Variants in CDKL3 observed in about 807,000 individuals in gnomAD.
CDKL3 encodes the protein cyclin dependent kinase like 3.
In CDKL3, 65 loss-of-function variants were observed where a neutral mutation model predicts 69.3. The ratio of observed to expected loss-of-function variants is 0.94; its 90% confidence interval spans 0.77 to 1.15. The LOEUF is 1.15. Ranked by LOEUF, CDKL3 falls within the 50% of genes most tolerant of loss-of-function variation. CDKL3 has a pLI of 0.00. For missense variants in CDKL3, 652 were observed against 689.2 expected, an observed-to-expected ratio of 0.95 and a Z score of 0.61; for synonymous variants, 202 against 221.6, an observed-to-expected ratio of 0.91 and a Z score of 0.79.
intron 4 of CDKL3, among the ~76,000 whole-genome samples, chr5:134,342,977 G>C (rs1185790694): frequency 6.6e-6 from 1 of 152,172 alleles, no homozygotes; most frequent in Non-Finnish European, 1.5e-5. Flanking sequence ...GTCCAAGGCA[G>C]GCAGATTGCT....
chr5:134,320,711 T>TA (rs1306888413), intron 5 of CDKL3, among the ~76,000 whole-genome samples: 1 of 151,188 alleles, frequency 6.6e-6, no homozygotes, highest in Non-Finnish European at 1.5e-5. Flanking sequence ...CCGTCTCTGC[T>TA]AAAAATACAA....
At position 134,346,928 on chromosome 5, in the gene CDKL3, C is replaced by T. The variant is rs72798609; in HGVS notation, c.539+3321G>A. Among the ~76,000 whole-genome samples, 1,061 of 152,210 alleles carry T rather than the reference C, an allele frequency of 7.0e-3. 10 individuals carry two copies. The highest frequency in any genetic ancestry group is 0.012 in the Non-Finnish European group (796 of 68,018). ...TGCTTTTGGAGGTCACCTGTTGGAGCCAATTCATCTTTAAAATTGATAAAC... is the reference window on the plus strand; with the variant it reads ...TGCTTTTGGAGGTCACCTGTTGGAGTCAATTCATCTTTAAAATTGATAAAC... On this transcript the variant is annotated intron_variant, in intron 4 of 12. Coordinates refer to ENST00000265334, the MANE Select transcript of CDKL3 (RefSeq NM_001113575.2).
downstream of CDKL3, among the ~76,000 whole-genome samples, chr5:134,296,816 C>CACACACAT (rs1554074934): frequency 4.6e-5 from 7 of 150,822 alleles, no homozygotes; most frequent in Admixed American, 2.0e-4. Flanking sequence ...CACACACACA[C>CACACACAT]GCACGCACAC....
chr5:134,289,927 T>G (rs1031269974), intron 8 of CDKL3, among the ~76,000 whole-genome samples: 2 of 152,212 alleles, frequency 1.3e-5, no homozygotes, highest in Non-Finnish European at 2.9e-5. Context: ...TTCTTCTGTT[T>G]TTTTTCCTCA....
chr5:134,286,019 G>A (rs1034044493), downstream of CDKL3, among the ~76,000 whole-genome samples: 1 of 152,210 alleles, frequency 6.6e-6, no homozygotes, highest in Admixed American at 6.5e-5. Context: ...TTACTCAGGA[G>A]GCTGAGGCAG....
intron 12 of CDKL3, 143 bp from the exon 13 acceptor site, chr5:134,298,853 G>T: frequency 9.0e-7 from 1 of 1,115,662 alleles, no homozygotes; most frequent in Non-Finnish European, 1.3e-6. Flanking sequence ...TTGCTTCAAT[G>T]CCTTGCTCAA....
chr5:134,299,876 A>G, intron 12 of CDKL3: 2 of 612,068 alleles, frequency 3.3e-6, no homozygotes, highest in South Asian at 4.5e-5. Flanking sequence ...CAGGGAAACT[A>G]TTTAGCAATG....
intron 3 of CDKL3, among the ~76,000 whole-genome samples, chr5:134,356,798 A>G (rs374325696): frequency 2.0e-5 from 3 of 152,212 alleles, no homozygotes; most frequent in East Asian, 1.9e-4. Flanking sequence ...ATAAATAAAT[A>G]AAATAAAAAT....
At chr5:134,344,458 C>T (rs1751309529) in intron 4 of CDKL3, among the ~76,000 whole-genome samples, 1 of 152,044 alleles carries the variant, frequency 6.6e-6, no homozygotes, top group Admixed American at 6.6e-5. Flanking sequence ...AAAAAGACAA[C>T]TCATTTTAAA....
chr5:134,290,227 G>A (rs1273583890), intron 8 of CDKL3, among the ~76,000 whole-genome samples: 2 of 151,902 alleles, frequency 1.3e-5, no homozygotes, highest in East Asian at 3.9e-4. Flanking sequence ...GGTGGCACAT[G>A]CCTGTAATCC....
intron 12 of CDKL3, among the ~76,000 whole-genome samples, chr5:134,300,050 T>C (rs537627817): frequency 6.6e-6 from 1 of 152,116 alleles, no homozygotes; most frequent in African/African-American, 2.4e-5. Context: ...GTTTAAAAAG[T>C]AAACCTGGCA....
Position 134,302,574 on chromosome 5 carries a change from A to T in CDKL3, c.1719+16T>A, listed in dbSNP as rs376545997. On this transcript the variant is annotated intron_variant, in intron 12 of 12. Transcript: ENST00000265334. ...AACAACATGCCTTAGTAAAAGCTAT[A>T]TACAAAAAGAGTTACCTCTTGTTTT... is the stretch of plus-strand genomic sequence containing the variant. 53 of 1,335,512 alleles carry T rather than the reference A, an allele frequency of 4.0e-5. No homozygotes were observed. In the African/African-American group the frequency reaches 4.0e-4, roughly 10 times the overall value. 82.7% of individuals were successfully genotyped at this position (1,335,512 alleles called of 1,614,324 possible).
intron 4 of CDKL3, among the ~76,000 whole-genome samples, chr5:134,323,514 T>C (rs145358640): frequency 8.9e-4 from 135 of 152,254 alleles, no homozygotes; most frequent in African/African-American, 3.0e-3. Context: ...GGTGAAAGAA[T>C]AGATAAATAG....
intron 10 of CDKL3, among the ~76,000 whole-genome samples, chr5:134,305,421 C>G (rs897306565): frequency 2.6e-5 from 4 of 152,262 alleles, no homozygotes; most frequent in South Asian, 2.1e-4. Context: ...GCCAGAACCA[C>G]AAACTTAACT....
chr5:134,330,318 A>G (rs1371420124), intron 4 of CDKL3, among the ~76,000 whole-genome samples: 1 of 152,208 alleles, frequency 6.6e-6, no homozygotes, highest in Non-Finnish European at 1.5e-5. Flanking sequence ...CAAAATGTTT[A>G]TAAAATTGCC....
chr5:134,366,770 CCTG>C (rs1757538909), intron 1 of CDKL3, among the ~76,000 whole-genome samples: 1 of 152,084 alleles, frequency 6.6e-6, no homozygotes, highest in Non-Finnish European at 1.5e-5. Flanking sequence ...TAGGGGTACT[CCTG>C]CTGTCTCGGT....
intron 10 of CDKL3, among the ~76,000 whole-genome samples, chr5:134,305,204 T>C (rs980826493): frequency 7.9e-5 from 12 of 152,102 alleles, no homozygotes; most frequent in Non-Finnish European, 1.2e-4. Flanking sequence ...CTCAACCTCT[T>C]GGGCTCAAGC....
At position 134,304,497 on chromosome 5, in the gene CDKL3, C is replaced by T. The variant is rs1394992880; in HGVS notation, c.1529G>A (p.Arg510Lys). 1.9e-6 allele frequency: 3 copies of T among 1,612,644 alleles called. No homozygotes were observed. The highest frequency in any genetic ancestry group is 2.2e-5 in the East Asian group (1 of 44,760). The change falls in exon 11 of 13, where the codon AGG becomes AAG. Residue 510 changes from arginine (R) to lysine (K), a missense_variant. Arg to Lys is a conservative substitution (Grantham distance 26). Coordinates refer to ENST00000265334, the MANE Select transcript of CDKL3 (RefSeq NM_001113575.2). Reference sequence around the variant, plus strand: ...GTCAGATCTGGAAAAATTCAGCTTCCTTTTGTTCTCATTTGCCATTTGGTC... The same window carrying T: ...GTCAGATCTGGAAAAATTCAGCTTCTTTTTGTTCTCATTTGCCATTTGGTC... ...HSDQMANENK[R>K]KLNFSRSDRK...
chr5:134,311,695 T>C (rs1175274563), intron 7 of CDKL3, among the ~76,000 whole-genome samples: 1 of 152,232 alleles, frequency 6.6e-6, no homozygotes, highest in African/African-American at 2.4e-5. Context: ...CTCTGGTCTA[T>C]GATGACACTG....
Sources: gnomAD v4.1 joint callset for allele counts (sites outside exome capture counted in the v4.1 genomes callset) on GRCh38, gnomAD v4.1.1 for gene constraint, MANE v1.5 for transcripts, NCBI Gene and HGNC (gene_info 2026-07-23, HGNC 2026-07-21) for gene names.